CTNNA3: variants seen among roughly 807,000 people sequenced by gnomAD.
The protein encoded by CTNNA3 is catenin alpha-3.
A neutral mutation model predicts 95.7 loss-of-function variants in CTNNA3; 76 were observed. The ratio of observed to expected loss-of-function variants is 0.79; its 90% CI spans 0.66 to 0.96. CTNNA3 has a LOEUF of 0.96. Ranked by LOEUF, CTNNA3 falls within the 40% of genes least tolerant of loss-of-function variation. The pLI, the probability that CTNNA3 is intolerant of heterozygous loss-of-function variation, is 0.00. For synonymous variants in CTNNA3, 431 were observed against 374.4 expected (o/e 1.15, Z -1.74); for missense variants, 1,191 against 1,089.8 (o/e 1.09, Z -1.31).
intron 7 of CTNNA3, among the ~76,000 whole-genome samples, chr10:66,913,345 A>C (rs1054495272): frequency 3.9e-5 from 6 of 152,028 alleles, no homozygotes; most frequent in Non-Finnish European, 8.8e-5. Flanking sequence ...GATATGGATA[A>C]CAAAGGAGGA....
chr10:66,802,793 G>A (rs1841480479), intron 7 of CTNNA3, among the ~76,000 whole-genome samples: 1 of 151,172 alleles, frequency 6.6e-6, no homozygotes, highest in Non-Finnish European at 1.5e-5. Flanking sequence ...AACAATACTA[G>A]CCAATTATTA....
intron 9 of CTNNA3, among the ~76,000 whole-genome samples, chr10:66,665,162 C>T (rs1846405187): frequency 6.6e-6 from 1 of 152,072 alleles, no homozygotes; most frequent in Non-Finnish European, 1.5e-5. Flanking sequence ...TCCCAGCTTC[C>T]CCAATTTCTA....
chr10:66,932,481 C>T (rs1330056744), intron 7 of CTNNA3, among the ~76,000 whole-genome samples: 1 of 152,068 alleles, frequency 6.6e-6, no homozygotes, highest in Non-Finnish European at 1.5e-5. Context: ...TTCCTTTTTG[C>T]TCTGGATTCT....
chr10:66,414,468 T>C (rs1222383139), intron 11 of CTNNA3, among the ~76,000 whole-genome samples: 1 of 152,124 alleles, frequency 6.6e-6, no homozygotes, highest in East Asian at 1.9e-4. Context: ...TGCATTTTCA[T>C]CATAGACTCC....
intron 10 of CTNNA3, among the ~76,000 whole-genome samples, chr10:66,529,135 T>C (rs1841370235): frequency 6.6e-6 from 1 of 152,146 alleles, no homozygotes; most frequent in Non-Finnish European, 1.5e-5. Flanking sequence ...TTATTTATTA[T>C]AATTTTTTTG....
intron 17 of CTNNA3, among the ~76,000 whole-genome samples, chr10:65,931,353 A>T (rs12767826): frequency 0.21 from 31,859 of 152,172 alleles, 4,011 homozygotes; most frequent in Middle Eastern, 0.33. Context: ...AACTACAAAC[A>T]TTACAATATG....
chr10:66,730,917 A>G (rs1848939606), intron 9 of CTNNA3, among the ~76,000 whole-genome samples: 2 of 152,356 alleles, frequency 1.3e-5, no homozygotes, highest in South Asian at 4.1e-4. Flanking sequence ...ATGCATGTTT[A>G]TCTAATCATA....
In CTNNA3 at chr10:66,115,984, C is replaced by G. The variant is rs557553758; in HGVS notation, c.1885-12735G>C. Among the ~76,000 whole-genome samples the G allele has an allele frequency of 2.8e-4, 42 of 152,206 alleles. No individual in the cohort carries two copies. In the South Asian group the frequency reaches 7.5e-3, roughly 27 times the overall value. ...GTTTGCTTTATGGGACATAAGAATT[C>G]CCTACACTGCTAAATTAAAGTAGCT... is the stretch of plus-strand genomic sequence containing the variant. On this transcript the variant is annotated intron_variant, in intron 13 of 17. Coordinates refer to ENST00000433211, the MANE Select transcript of CTNNA3 (RefSeq NM_013266.4).
chr10:67,603,719 G>A (rs1347309578), intron 3 of CTNNA3, among the ~76,000 whole-genome samples: 1 of 152,016 alleles, frequency 6.6e-6, no homozygotes, highest in Non-Finnish European at 1.5e-5. Flanking sequence ...TACTACAAAA[G>A]AGTCAAAAAG....
intron 7 of CTNNA3, among the ~76,000 whole-genome samples, chr10:66,788,052 C>A (rs1840817225): frequency 6.6e-6 from 1 of 152,154 alleles, no homozygotes; most frequent in African/African-American, 2.4e-5. Context: ...CTTAGGTTTA[C>A]AAGTCAAACT....
At chr10:66,762,263 A>C (rs1839629679) in intron 9 of CTNNA3, among the ~76,000 whole-genome samples, 1 of 152,086 alleles carries the variant, frequency 6.6e-6, no homozygotes, top group Admixed American at 6.6e-5. Flanking sequence ...TTTGTCATTA[A>C]TTGAACACAT....
chr10:67,538,531 G>A (rs1022556084), intron 4 of CTNNA3, among the ~76,000 whole-genome samples: 1 of 150,578 alleles, frequency 6.6e-6, no homozygotes, highest in South Asian at 2.1e-4. Context: ...GCAGTGAGCC[G>A]AGATCACCAC....
At chr10:67,759,439 A>G (rs1841450879) in intron 1 of CTNNA3, among the ~76,000 whole-genome samples, 1 of 152,210 alleles carries the variant, frequency 6.6e-6, no homozygotes, top group African/African-American at 2.4e-5. Flanking sequence ...TAATATTACC[A>G]TACTTTGATC....
At chr10:66,834,766 CTT>C (rs1055333485) in intron 7 of CTNNA3, among the ~76,000 whole-genome samples, 2 of 152,186 alleles carry the variant, frequency 1.3e-5, no homozygotes, top group Non-Finnish European at 2.9e-5. Flanking sequence ...TCTTTTAAAT[CTT>C]TTCACCCTAG....
At chr10:66,522,790 C>A (rs1008586589) in intron 10 of CTNNA3, among the ~76,000 whole-genome samples, 11 of 151,470 alleles carry the variant, frequency 7.3e-5, no homozygotes, top group African/African-American at 2.7e-4. Flanking sequence ...CAAGTTAGCA[C>A]AAGTTTATTT....
At chr10:66,683,447 G>A (rs1847138552) in intron 9 of CTNNA3, among the ~76,000 whole-genome samples, 1 of 152,166 alleles carries the variant, frequency 6.6e-6, no homozygotes, top group Non-Finnish European at 1.5e-5. Flanking sequence ...CCCAAAGGAA[G>A]TAGAAATACA....
chr10:67,089,764 C>A (rs1318814811), intron 7 of CTNNA3, among the ~76,000 whole-genome samples: 1 of 146,002 alleles, frequency 6.8e-6, no homozygotes, highest in African/African-American at 2.5e-5. Flanking sequence ...GACAGAAACA[C>A]ATATACTGTA....
intron 7 of CTNNA3, among the ~76,000 whole-genome samples, chr10:66,875,832 C>G (rs1286385512): frequency 6.6e-6 from 1 of 152,130 alleles, no homozygotes; most frequent in African/African-American, 2.4e-5. Flanking sequence ...ACTATCATAG[C>G]TAAGACACCC....
intron 11 of CTNNA3, among the ~76,000 whole-genome samples, chr10:66,459,906 T>A (rs916188100): frequency 3.9e-5 from 6 of 152,204 alleles, no homozygotes; most frequent in Admixed American, 6.6e-5. Context: ...TTTATTTTTT[T>A]AATTTCTTAT....
Sources: allele counts gnomAD v4.1 joint callset (sites outside exome capture counted in the v4.1 genomes callset), GRCh38; gene constraint gnomAD v4.1.1; transcripts MANE v1.5; gene names NCBI Gene and HGNC (gene_info 2026-07-23, HGNC 2026-07-21).